The following PTPRN2 variants were observed in gnomAD, a reference collection of about 807,000 sequenced individuals.
PTPRN2 encodes protein tyrosine phosphatase receptor type N2.
PTPRN2 carries 74 observed loss-of-function variants against 118.8 expected under a neutral mutation model. The observed-to-expected ratio is 0.62, with a 90% CI of 0.52 to 0.76. PTPRN2 has a LOEUF of 0.76. Ranked by LOEUF, PTPRN2 falls within the 30% of genes least tolerant of loss-of-function variation. The probability of loss-of-function intolerance (pLI) is 0.00; values close to 1 mark genes in which losing one functional copy is unlikely to be tolerated. For synonymous variants in PTPRN2, 641 were observed against 608.0 expected, an observed-to-expected ratio of 1.05 and a Z score of -0.80; for missense variants, 1,481 against 1,394.4, an observed-to-expected ratio of 1.06 and a Z score of -0.99.
intron 5 of PTPRN2, among the ~76,000 whole-genome samples, chr7:158,190,766 C>T (rs543911303): frequency 3.3e-5 from 5 of 152,392 alleles, no homozygotes; most frequent in South Asian, 2.1e-4. Flanking sequence ...TCTGGCACCC[C>T]GTGGCCCCTG....
intron 4 of PTPRN2, among the ~76,000 whole-genome samples, chr7:158,204,580 C>A (rs1400661494): frequency 1.3e-5 from 2 of 151,992 alleles, no homozygotes; most frequent in Non-Finnish European, 2.9e-5. Flanking sequence ...CTCAGGAATC[C>A]GACAGTGCCA....
chr7:158,252,022 C>A (rs1434557279), intron 3 of PTPRN2, among the ~76,000 whole-genome samples: 2 of 152,200 alleles, frequency 1.3e-5, no homozygotes, highest in Non-Finnish European at 1.5e-5. Context: ...CCCTTCTTGG[C>A]TCTGGCCTCC....
chr7:158,414,350 A>C (rs1280759516), intron 2 of PTPRN2, among the ~76,000 whole-genome samples: 1 of 152,268 alleles, frequency 6.6e-6, no homozygotes, highest in South Asian at 2.1e-4. Context: ...GGGCTGGAGC[A>C]TTAAGCCCCA....
At position 157,869,676 on chromosome 7, in the gene PTPRN2, T is replaced by G. The variant is rs765509120; in HGVS notation, c.1788+28997A>C. On this transcript the variant is annotated intron_variant, in intron 12 of 22. Transcript: ENST00000389418. The surrounding 1 kb of genome is among the most constrained non-coding windows in gnomAD (Gnocchi z 4.2). Reference sequence around the variant, plus strand: ...AAGTGAGAAGGAGCCAAACCAGGACTGTAGGGGGATGCCTCATGAGTTCTC... The same window carrying G: ...AAGTGAGAAGGAGCCAAACCAGGACGGTAGGGGGATGCCTCATGAGTTCTC... Among the ~76,000 whole-genome samples, 2 of 152,182 alleles carry G rather than the reference T, an allele frequency of 1.3e-5. No homozygotes were observed. Among genetic ancestry groups the G allele is most frequent in the Non-Finnish European group, 2.9e-5 (2 of 68,032 alleles).
chr7:157,945,740 GCCACCTCCAGCTTGGACA>G (rs1800445715), intron 11 of PTPRN2, among the ~76,000 whole-genome samples: 1 of 151,380 alleles, frequency 6.6e-6, no homozygotes, highest in Non-Finnish European at 1.5e-5. Flanking sequence ...CTTGGACAAT[GCCACCTCCAGCTTGGACA>G]ATGCCGCCTC....
At chr7:158,141,700 G>T (rs868142192) in intron 6 of PTPRN2, among the ~76,000 whole-genome samples, 1 of 152,270 alleles carries the variant, frequency 6.6e-6, no homozygotes, top group South Asian at 2.1e-4. Context: ...CGCATGGAAA[G>T]GGTCACAGCC....
chr7:158,572,207 G>A (rs1459208012), intron 1 of PTPRN2, among the ~76,000 whole-genome samples: 1 of 152,182 alleles, frequency 6.6e-6, no homozygotes, highest in Non-Finnish European at 1.5e-5. Flanking sequence ...TTCTCTGTCT[G>A]GCTGTCTAGT....
intron 2 of PTPRN2, among the ~76,000 whole-genome samples, chr7:158,334,311 GACGTCACTCACACCCAC>G (rs1342676514): frequency 1.0e-3 from 12 of 11,628 alleles, no homozygotes; most frequent in African/African-American, 4.3e-3. Context: ...GACACCTGCA[GACGTCACTCACACCCAC>G]ACGTCACTCA....
At chr7:158,572,918 T>C (rs1367107043) in intron 1 of PTPRN2, among the ~76,000 whole-genome samples, 1 of 152,250 alleles carries the variant, frequency 6.6e-6, no homozygotes, top group East Asian at 1.9e-4. Flanking sequence ...TATGAGTTTA[T>C]ACTTTCTGAA....
chr7:157,586,571 G>C (rs1254304945), intron 17 of PTPRN2, among the ~76,000 whole-genome samples: 1 of 152,228 alleles, frequency 6.6e-6, no homozygotes, highest in African/African-American at 2.4e-5. Context: ...CACCGGGTCT[G>C]TCCTGGAGAC....
At chr7:158,343,528 G>A (rs1452697760) in intron 2 of PTPRN2, among the ~76,000 whole-genome samples, 1 of 152,242 alleles carries the variant, frequency 6.6e-6, no homozygotes, top group Non-Finnish European at 1.5e-5. Flanking sequence ...AGTAGCAGAT[G>A]ATCCGACAGC....
At chr7:157,746,518 G>A (rs1800950955) in intron 12 of PTPRN2, among the ~76,000 whole-genome samples, 1 of 143,808 alleles carries the variant, frequency 7.0e-6, no homozygotes, top group Non-Finnish European at 1.5e-5. Context: ...CAGTCCACAC[G>A]GGGCCCTGAG....
chr7:157,925,745 T>TG (rs1452993082), intron 11 of PTPRN2, among the ~76,000 whole-genome samples: 1 of 151,432 alleles, frequency 6.6e-6, no homozygotes, highest in East Asian at 1.9e-4. Flanking sequence ...CCCAGAGCTG[T>TG]GGGTCAGGGT....
At chr7:157,852,762 G>C (rs1194938991) in intron 12 of PTPRN2, among the ~76,000 whole-genome samples, 3 of 151,344 alleles carry the variant, frequency 2.0e-5, no homozygotes, top group African/African-American at 7.3e-5. Flanking sequence ...CCAGCTACTC[G>C]GGAGGCTGAG....
At chr7:158,272,865 G>A (rs1798606655) in intron 3 of PTPRN2, among the ~76,000 whole-genome samples, 1 of 152,212 alleles carries the variant, frequency 6.6e-6, no homozygotes, top group Non-Finnish European at 1.5e-5. Context: ...GGAATGACCA[G>A]GAGGAAGCTA....
intron 12 of PTPRN2, among the ~76,000 whole-genome samples, chr7:157,711,665 G>A (rs1054130023): frequency 1.3e-5 from 2 of 152,148 alleles, no homozygotes; most frequent in African/African-American, 4.8e-5. Flanking sequence ...GCAGGGCCTA[G>A]GCCTGAGGAC....
intron 2 of PTPRN2, among the ~76,000 whole-genome samples, chr7:158,445,420 C>T (rs993090902): frequency 6.6e-6 from 1 of 152,214 alleles, no homozygotes; most frequent in African/African-American, 2.4e-5. Context: ...ACAGCAGCCT[C>T]CATCGCAGGT....
intron 9 of PTPRN2, among the ~76,000 whole-genome samples, chr7:158,112,854 C>T (rs894014980): frequency 3.9e-5 from 6 of 152,118 alleles, no homozygotes; most frequent in African/African-American, 7.2e-5. Context: ...TCAGAGGCCA[C>T]AGCAGGGCGT....
chr7:158,110,215 G>T (rs1184733138), intron 10 of PTPRN2, among the ~76,000 whole-genome samples: 1 of 152,214 alleles, frequency 6.6e-6, no homozygotes, highest in Non-Finnish European at 1.5e-5. Context: ...TGCAGCTTCT[G>T]CACTCAGCCA....
Sources: allele counts gnomAD v4.1 joint callset (sites outside exome capture counted in the v4.1 genomes callset), GRCh38; gene constraint gnomAD v4.1.1; non-coding constraint Gnocchi (gnomAD v3.1); transcripts MANE v1.5; gene names NCBI Gene and HGNC (gene_info 2026-07-23, HGNC 2026-07-21).